AFG2A: variants seen among roughly 807,000 people sequenced by gnomAD.
The protein encoded by AFG2A is ATPase family gene 2 protein homolog A.
At chr4:123,196,410 T>A in the AFG2A span, among the ~76,000 whole-genome samples, 1 of 152,106 alleles carries the variant, frequency 6.6e-6, no homozygotes, top group East Asian at 1.9e-4. Flanking sequence ...CACTAAGACA[T>A]CATGCCAGTT....
At chr4:123,028,053 A>G in the AFG2A span, 1 of 703,840 alleles carries the variant, frequency 1.4e-6, no homozygotes, top group Non-Finnish European at 2.3e-6. Flanking sequence ...GGAATTTTTT[A>G]AAGGATTTTC....
chr4:123,231,911 T>C, the AFG2A span, among the ~76,000 whole-genome samples: 6 of 151,972 alleles, frequency 3.9e-5, no homozygotes, highest in African/African-American at 9.7e-5. Context: ...TACCATCTTA[T>C]ATGGGCATGG....
At chr4:123,041,965 G>T in the AFG2A span, among the ~76,000 whole-genome samples, 1 of 152,208 alleles carries the variant, frequency 6.6e-6, no homozygotes. Context: ...AATTGAATAT[G>T]ATGCAAGGCA....
the AFG2A span, among the ~76,000 whole-genome samples, chr4:123,281,737 C>A: frequency 6.6e-6 from 1 of 151,954 alleles, no homozygotes; most frequent in Non-Finnish European, 1.5e-5. Flanking sequence ...GAAGTCCAGA[C>A]AATGGAAGAT....
the AFG2A span, among the ~76,000 whole-genome samples, chr4:123,294,249 T>A: frequency 6.6e-6 from 1 of 152,166 alleles, no homozygotes; most frequent in Non-Finnish European, 1.5e-5. Context: ...CTCTGTAAGA[T>A]TTCTTTGGTT....
chr4:123,092,905 C>A, the AFG2A span, among the ~76,000 whole-genome samples: 1 of 152,166 alleles, frequency 6.6e-6, no homozygotes, highest in Non-Finnish European at 1.5e-5. Flanking sequence ...ATCCCTGTCA[C>A]ACTTCAAATT....
chr4:123,017,376 T>A, the AFG2A span, among the ~76,000 whole-genome samples: 1 of 149,786 alleles, frequency 6.7e-6, no homozygotes, highest in African/African-American at 2.4e-5. Context: ...TTTTTTTTTC[T>A]TTAAATCTTC....
the AFG2A span, among the ~76,000 whole-genome samples, chr4:123,154,310 T>G: frequency 6.6e-6 from 1 of 152,076 alleles, no homozygotes; most frequent in Non-Finnish European, 1.5e-5. Context: ...GTAATATTCA[T>G]CAAAGTATAT....
chr4:123,029,073 A>C, the AFG2A span, among the ~76,000 whole-genome samples: 5 of 152,236 alleles, frequency 3.3e-5, no homozygotes, highest in Admixed American at 3.3e-4. Flanking sequence ...TAGATTAACT[A>C]TCAATTCATT....
the AFG2A span, among the ~76,000 whole-genome samples, chr4:123,032,538 C>G: frequency 1.5e-4 from 23 of 152,042 alleles, no homozygotes; most frequent in Admixed American, 8.5e-4. Flanking sequence ...GTTACAGGCT[C>G]CCAAGTATCT....
At chr4:122,933,467 G>A in the AFG2A span, 1 of 1,612,308 alleles carries the variant, frequency 6.2e-7, no homozygotes, top group Non-Finnish European at 8.5e-7. Flanking sequence ...TAATGAAGAA[G>A]AACTGACTGG....
the AFG2A span, among the ~76,000 whole-genome samples, chr4:123,075,856 T>C: frequency 0.054 from 8,169 of 150,558 alleles, 519 homozygotes; most frequent in African/African-American, 0.16. Flanking sequence ...ACTGGGGAGG[T>C]TGAGGCAGGA....
chr4:123,155,169 C>T, the AFG2A span, among the ~76,000 whole-genome samples: 1 of 152,140 alleles, frequency 6.6e-6, no homozygotes, highest in Non-Finnish European at 1.5e-5. Context: ...ACTGCAGCCT[C>T]GAACTCCTGG....
chr4:122,996,990 G>A, the AFG2A span, among the ~76,000 whole-genome samples: 1 of 152,072 alleles, frequency 6.6e-6, no homozygotes, highest in Non-Finnish European at 1.5e-5. Flanking sequence ...CCCACATTGA[G>A]GGCTGATCTT....
the AFG2A span, among the ~76,000 whole-genome samples, chr4:123,253,534 C>T: frequency 1.6e-4 from 25 of 151,636 alleles, no homozygotes; most frequent in African/African-American, 5.8e-4. Flanking sequence ...CCTGTGGTCC[C>T]AGCTACCTGG....
chr4:123,126,041 C>G, the AFG2A span, among the ~76,000 whole-genome samples: 3 of 152,178 alleles, frequency 2.0e-5, no homozygotes, highest in African/African-American at 7.2e-5. Context: ...TCAAGTCCAG[C>G]TCTTCATTCT....
chr4:123,202,030 G>A, the AFG2A span, among the ~76,000 whole-genome samples: 1 of 152,158 alleles, frequency 6.6e-6, no homozygotes, highest in African/African-American at 2.4e-5. Flanking sequence ...TAATAGGACT[G>A]CTAATGCCTT....
the AFG2A span, among the ~76,000 whole-genome samples, chr4:122,944,458 A>G: frequency 8.5e-5 from 13 of 152,218 alleles, no homozygotes; most frequent in Non-Finnish European, 1.8e-4. Flanking sequence ...TTCTTCACGT[A>G]GTTCTCGAGC....
the AFG2A span, among the ~76,000 whole-genome samples, chr4:122,933,136 A>T: frequency 6.6e-6 from 1 of 152,158 alleles, no homozygotes; most frequent in Admixed American, 6.5e-5. Flanking sequence ...TGTACCCTGC[A>T]TTTCTTATTC....
Sources: allele counts gnomAD v4.1 joint callset (sites outside exome capture counted in the v4.1 genomes callset), GRCh38; gene constraint gnomAD v4.1.1; transcripts MANE v1.5; gene names NCBI Gene and HGNC (gene_info 2026-07-23, HGNC 2026-07-21).